Variants in POLN observed in about 807,000 individuals in gnomAD.
POLN encodes DNA polymerase N.
Under a neutral mutation model 113.5 loss-of-function variants are expected in POLN, and 108 were observed. The ratio of observed to expected loss-of-function variants is 0.95; its 90% confidence interval spans 0.81 to 1.12. The LOEUF is 1.12. POLN is among the 50% of genes most tolerant of loss of function. The probability of loss-of-function intolerance (pLI) is 0.00; values close to 1 mark genes in which losing one functional copy is unlikely to be tolerated. For missense variants in POLN, 1,097 were observed against 1,077.1 expected (o/e 1.02, Z -0.26); for synonymous variants, 386 against 391.5 (o/e 0.99, Z 0.17).
intron 3 of POLN, among the ~76,000 whole-genome samples, chr4:2,216,025 A>G (rs531486966): frequency 2.0e-5 from 3 of 152,102 alleles, no homozygotes; most frequent in Non-Finnish European, 4.4e-5. Context: ...TTTGCCATCA[A>G]ATTTGGGCAG....
At chr4:2,113,553 A>T (rs1043956225) in intron 19 of POLN, among the ~76,000 whole-genome samples, 1 of 151,764 alleles carries the variant, frequency 6.6e-6, no homozygotes, top group Non-Finnish European at 1.5e-5. Context: ...TCTATGCTAT[A>T]AACCTTTTTC....
chr4:2,121,434 CA>C lies in POLN; in HGVS notation c.1982+6678del, dbSNP rs869279379. Among the ~76,000 whole-genome samples the C allele has an allele frequency of 3.6e-4, 50 of 139,388 alleles. 1 individual carries two copies. The highest frequency in any genetic ancestry group is 9.0e-4 in the South Asian group (4 of 4,428). The allele number at this position is 139,388 out of a possible 152,430, so 91.4% of individuals were successfully genotyped here. A position where few individuals can be genotyped will look rare whatever the true frequency, so the allele number is the denominator to read the frequency against. The stretch of plus-strand genomic sequence containing the variant: ...TGGGTGACAGAGCGAGACTCTGTCT[CA>C]AAAAAAAAAAAAAAAAAATATATAT... On this transcript the variant is annotated intron_variant, in intron 19 of 25. Transcript: ENST00000511885.
chr4:2,228,931 G>T, intron 3 of POLN, 168 bp downstream of exon 3: 1 of 531,944 alleles, frequency 1.9e-6, no homozygotes, highest in Non-Finnish European at 3.3e-6. Flanking sequence ...TGAAGGTTAA[G>T]GGAACACGAA....
In POLN at chr4:2,168,984, C is replaced by T. The variant is rs571303164; in HGVS notation, c.1554+1695G>A. ...CAGAAAATAACTCAAGGTGAAGAAA[C>T]AGCTGTGACTTGGGGCCTTACTGTA... is the stretch of plus-strand genomic sequence containing the variant. On this transcript the variant is annotated intron_variant, in intron 13 of 25. Transcript: ENST00000511885. Among the ~76,000 whole-genome samples, 5 of 152,348 alleles carry T rather than the reference C, an allele frequency of 3.3e-5. No homozygotes were observed. The South Asian group carries it at 1.0e-3, about 32-fold the overall frequency.
At chr4:2,177,271 C>G in intron 8 of POLN, 1 of 479,490 alleles carries the variant, frequency 2.1e-6, no homozygotes, top group South Asian at 1.5e-5. Flanking sequence ...TAAATCTTCT[C>G]TGGCTCCCCA....
intron 16 of POLN, among the ~76,000 whole-genome samples, chr4:2,136,311 T>C (rs1731856266): frequency 6.6e-6 from 1 of 152,214 alleles, no homozygotes; most frequent in Admixed American, 6.5e-5. Context: ...ACTGTGGACA[T>C]CAAAATGTGT....
chr4:2,080,588 G>A, intron 23 of POLN: 1 of 1,201,326 alleles, frequency 8.3e-7, no homozygotes, highest in Non-Finnish European at 1.0e-6. Flanking sequence ...GCAGCAACAG[G>A]CAGGGGTGGG....
At chr4:2,094,908 A>C (rs1158721180) in intron 20 of POLN, among the ~76,000 whole-genome samples, 1 of 152,176 alleles carries the variant, frequency 6.6e-6, no homozygotes, top group Non-Finnish European at 1.5e-5. Context: ...CTGTGAATAA[A>C]CAAAGGGTTT....
chr4:2,171,622 A>C (rs1732864015), intron 11 of POLN, among the ~76,000 whole-genome samples: 2 of 151,380 alleles, frequency 1.3e-5, no homozygotes, highest in African/African-American at 4.9e-5. Flanking sequence ...TAAATAACCT[A>C]TAATTTATCA....
intron 19 of POLN, among the ~76,000 whole-genome samples, chr4:2,100,304 TA>T (rs763936514): frequency 1.3e-5 from 2 of 152,056 alleles, no homozygotes; most frequent in African/African-American, 4.8e-5. Flanking sequence ...AAATTAGCCA[TA>T]AAAAATTCCA....
At chr4:2,077,907 G>T (rs534381325) in intron 23 of POLN, among the ~76,000 whole-genome samples, 1 of 152,308 alleles carries the variant, frequency 6.6e-6, no homozygotes, top group East Asian at 1.9e-4. Context: ...TTGTGTTCCG[G>T]AAGGGAGTGG....
At chr4:2,164,754 G>C (rs1256597495) in intron 13 of POLN, among the ~76,000 whole-genome samples, 1 of 126,942 alleles carries the variant, frequency 7.9e-6, no homozygotes, top group African/African-American at 2.9e-5. Flanking sequence ...AGGGAGCTGA[G>C]ATCATGCCAC....
At position 2,134,496 on chromosome 4, in the gene POLN, C is replaced by T. The variant is rs549419039; in HGVS notation, c.1732-3206G>A. The stretch of plus-strand genomic sequence containing the variant: ...GAATGAGTGCCTGTTGCTCCACACC[C>T]TCACCAATTAATAATGTAAGGTTTT... On this transcript the variant is annotated intron_variant, in intron 16 of 25. Coordinates refer to ENST00000511885, the MANE Select transcript of POLN (RefSeq NM_181808.4). 4.6e-5 allele frequency among the ~76,000 whole-genome samples: 7 copies of T among 152,310 alleles called. No homozygotes were observed. In the East Asian group the frequency reaches 1.4e-3, roughly 29 times the overall value.
rs901415503 is a variant in POLN, at chr4:2,187,243, T to G, written c.1021+5961A>C. On this transcript the variant is annotated intron_variant, in intron 7 of 25. Transcript: ENST00000511885. ...ACTTCCCAAATTTTTTGTTTGTTTG[T>G]TTTGTTTGTTTGTTTGTTTAGATGG... is the stretch of plus-strand genomic sequence containing the variant. Among the ~76,000 whole-genome samples the G allele has an allele frequency of 6.7e-4, 101 of 151,668 alleles. 2 individuals carry two copies. The highest frequency in any genetic ancestry group is 1.5e-3 in the African/African-American group (60 of 41,146).
At chr4:2,232,213 T>C (rs1734608240) in intron 2 of POLN, 2 of 780,254 alleles carry the variant, frequency 2.6e-6, no homozygotes, top group Non-Finnish European at 3.9e-6. Context: ...CTAATACCAA[T>C]TATAAAATTA....
chr4:2,081,043 G>A lies in POLN; in HGVS notation c.2309-7C>T. 6.2e-7 allele frequency: 1 copy of A among 1,613,562 alleles called. No individual in the cohort carries two copies. Among genetic ancestry groups the A allele is most frequent in the African/African-American group, 1.3e-5 (1 of 75,030 alleles). On this transcript the variant is annotated splice_region_variant and splice_polypyrimidine_tract_variant and intron_variant, in intron 22 of 25. Transcript: ENST00000511885. ...CAGAGGTCAGCAGCGGAGCCTATGG[G>A]GCGCGTGGTACTGTCTTGAGGTCCC...
chr4:2,150,467 T>C (rs535952704), intron 16 of POLN, among the ~76,000 whole-genome samples: 3 of 152,174 alleles, frequency 2.0e-5, no homozygotes, highest in East Asian at 1.9e-4. Context: ...TTTGTAAAAA[T>C]TGACAAACTG....
intron 2 of POLN, among the ~76,000 whole-genome samples, chr4:2,233,773 T>C (rs1010740992): frequency 1.3e-5 from 2 of 152,206 alleles, no homozygotes; most frequent in Admixed American, 1.3e-4. Flanking sequence ...TAAGAAAACA[T>C]TGTGTTGGTT....
rs73799524 is a variant in POLN, at chr4:2,146,886, T to G, written c.1731+9902A>C. ...GTATTACCACCATAGGACAAAATGTTAATTTGGCTCCATCCCAGCTAGATA... is the reference window on the plus strand; with the variant it reads ...GTATTACCACCATAGGACAAAATGTGAATTTGGCTCCATCCCAGCTAGATA... On this transcript the variant is annotated intron_variant, in intron 16 of 25. Transcript: ENST00000511885. 2.2e-3 allele frequency among the ~76,000 whole-genome samples: 328 copies of G among 152,274 alleles called. 1 individual carries two copies. Among genetic ancestry groups the G allele is most frequent in the African/African-American group, 7.5e-3 (310 of 41,544 alleles).
Sources: gnomAD v4.1 joint callset for allele counts (sites outside exome capture counted in the v4.1 genomes callset) on GRCh38, gnomAD v4.1.1 for gene constraint, MANE v1.5 for transcripts, NCBI Gene and HGNC (gene_info 2026-07-23, HGNC 2026-07-21) for gene names.